The following GPS1 variants were observed in gnomAD, a reference collection of about 807,000 sequenced individuals.
GPS1 encodes G protein pathway suppressor 1.
GPS1 carries 11 observed loss-of-function variants against 60.0 expected under a neutral mutation model. The ratio of observed to expected loss-of-function variants is 0.18; its 90% confidence interval spans 0.12 to 0.30. The LOEUF is 0.30. Ranked by LOEUF, GPS1 falls within the 10% of genes least tolerant of loss-of-function variation. GPS1 has a pLI of 1.00. For synonymous variants in GPS1, 343 were observed against 269.8 expected (o/e 1.27, Z -2.66); for missense variants, 543 against 669.2 (o/e 0.81, Z 2.08).
intron 3 of GPS1, chr17:82,054,267 G>T: frequency 1.4e-6 from 1 of 736,056 alleles, no homozygotes; most frequent in Non-Finnish European, 2.2e-6. Context: ...GGGAGCTGTT[G>T]GAGACTGTGG....
chr17:82,053,028 C>T (rs1414557616), intron 1 of GPS1: 9 of 351,478 alleles, frequency 2.6e-5, no homozygotes, highest in Non-Finnish European at 4.1e-5. Flanking sequence ...TAGAATCAGG[C>T]GAGGGGTTTC....
chr17:82,052,794 A>T, intron 1 of GPS1: 1 of 358,966 alleles, frequency 2.8e-6, no homozygotes, highest in Non-Finnish European at 5.3e-6. Context: ...CCCTTCTCCC[A>T]ACTCCGTGGC....
Position 82,053,873 on chromosome 17 carries a change from G to A in GPS1, c.132G>A (p.Leu44=), listed in dbSNP as rs763538737. ...TTGTCTGTGCCTGCTCCCAGGATCT[G>A]GAACAGTACGCGGCCAGCTACAGCG... ...NYVVENPSLD[L]EQYAASYSGL... The change falls in exon 3 of 13, where the codon CTG becomes CTA. Residue 44 remains leucine, a synonymous_variant. Transcript: ENST00000578552. The A allele has an allele frequency of 7.5e-6, 12 of 1,608,492 alleles. No homozygotes were observed. The highest frequency in any genetic ancestry group is 1.0e-5 in the Non-Finnish European group (12 of 1,178,300).
At chr17:82,051,603 A>AG, upstream of GPS1, 1 of 1,232,310 alleles carries the variant, frequency 8.1e-7, no homozygotes, top group South Asian at 2.3e-5. This position sits in a 1 kb window ranked among gnomAD's most constrained non-coding sequence, Gnocchi z 4.1. Flanking sequence ...GTCAGGCCGC[A>AG]GGCTGGGGGC....
intron 3 of GPS1, 126 bp from the exon 4 acceptor site, chr17:82,054,384 G>A: frequency 7.9e-7 from 1 of 1,267,786 alleles, no homozygotes; most frequent in Non-Finnish European, 1.1e-6. Context: ...TGGGGTTTGA[G>A]GCCAGCGGGA....
At chr17:82,051,569 G>A, upstream of GPS1, 1 of 1,378,334 alleles carries the variant, frequency 7.3e-7, no homozygotes, top group African/African-American at 1.5e-5. This position sits in a 1 kb window ranked among gnomAD's most constrained non-coding sequence, Gnocchi z 4.1. Flanking sequence ...TCTTCCGGGT[G>A]GTCTTGACGG....
upstream of GPS1, chr17:82,051,346 GGGGAGAAACAATCTATGA>G (rs1355758324): frequency 1.4e-6 from 2 of 1,468,314 alleles, no homozygotes; most frequent in Non-Finnish European, 1.8e-6. This position sits in a 1 kb window ranked among gnomAD's most constrained non-coding sequence, Gnocchi z 4.1. Flanking sequence ...TAAACGTCTG[GGGGAGAAACAATCTATGA>G]GGCTTCTGGG....
rs557221744 is a variant in GPS1 at position 82,054,068 on chromosome 17, C to T, written c.308+19C>T. 50 of 1,592,184 alleles carry T rather than the reference C, an allele frequency of 3.1e-5. No individual in the cohort carries two copies. The highest frequency in any genetic ancestry group is 5.6e-5 in the South Asian group (5 of 88,766). On this transcript the variant is annotated intron_variant, in intron 3 of 12. Coordinates refer to ENST00000578552, the MANE Select transcript of GPS1 (RefSeq NM_001321092.3). ...CCACCAGGTGAGGCCAGGGGCTTGGCGAGAGGAAGCAGAGGCCACCAAGGG... is the reference window on the plus strand; with the variant it reads ...CCACCAGGTGAGGCCAGGGGCTTGGTGAGAGGAAGCAGAGGCCACCAAGGG...
In GPS1 at chr17:82,053,941, G is replaced by A. The variant is rs1460338415; in HGVS notation, c.200G>A (p.Cys67Tyr). ...IERLQFIADH[C>Y]PTLRVEALKM... is the part of the protein sequence containing the mutation. Reference sequence around the variant, plus strand: ...CGGCTGCAGTTCATTGCTGATCACTGCCCCACGCTGCGGGTGGAGGCCCTG... The same window carrying A: ...CGGCTGCAGTTCATTGCTGATCACTACCCCACGCTGCGGGTGGAGGCCCTG... The change falls in exon 3 of 13, where the codon TGC (cysteine) becomes TAC (tyrosine). Residue 67 changes from cysteine (C) to tyrosine (Y), a missense_variant. By Grantham distance (194) the Cys-to-Tyr change is radical (BLOSUM62 -2). Around this residue, in one of 3 missense-constraint regions of GPS1, gnomAD observed 181 missense variants for 188.8 expected, o/e 0.96. Coordinates refer to ENST00000578552, the MANE Select transcript of GPS1 (RefSeq NM_001321092.3). 6.2e-7 allele frequency: 1 copy of A among 1,612,938 alleles called. No individual in the cohort carries two copies.
intron 5 of GPS1, 57 bp downstream of exon 5, chr17:82,055,032 C>G: frequency 6.2e-7 from 1 of 1,603,824 alleles, no homozygotes; most frequent in Non-Finnish European, 8.5e-7. Context: ...CTGCTGGCCC[C>G]TCCTGTCCTC....
intron 7 of GPS1, 55 bp downstream of exon 7, chr17:82,055,880 G>A: frequency 6.7e-7 from 1 of 1,485,618 alleles, no homozygotes; most frequent in Non-Finnish European, 9.2e-7. Context: ...GGGTCAGGCT[G>A]CTTCTGTAGG....
chr17:82,056,179 CTGGCCCCA>C, intron 8 of GPS1, 84 bp downstream of exon 8: 1 of 1,382,030 alleles, frequency 7.2e-7, no homozygotes, highest in East Asian at 2.3e-5. Context: ...TCCTGGCCCC[CTGGCCCCA>C]GCGTTTTCTC....
At chr17:82,055,872 G>T in intron 7 of GPS1, 47 bp downstream of exon 7, 2 of 1,504,660 alleles carry the variant, frequency 1.3e-6, no homozygotes, top group Non-Finnish European at 1.8e-6. Context: ...GGGCTCATGG[G>T]TCAGGCTGCT....
rs768654098 is a variant in GPS1 at position 82,056,736 on chromosome 17, G to C, written c.1224G>C (p.Leu408=). The change falls in exon 11 of 13, where the codon CTG becomes CTC. Residue 408 remains leucine (L), a synonymous_variant. Coordinates refer to ENST00000578552, the MANE Select transcript of GPS1 (RefSeq NM_001321092.3). ...TGACGCAGCTAATCCTGGAGGGGCT[G>C]ATCAGTGCCCGTGTGGACTCACACA... ...DELTQLILEG[L]ISARVDSHSK... 1 of 1,587,170 alleles carries C rather than the reference G, an allele frequency of 6.3e-7. No individual in the cohort carries two copies. Among genetic ancestry groups the C allele is most frequent in the Non-Finnish European group, 8.6e-7 (1 of 1,165,498 alleles).
At chr17:82,053,430 C>A in intron 2 of GPS1, 64 bp downstream of exon 2, 1 of 1,151,522 alleles carries the variant, frequency 8.7e-7, no homozygotes, top group Non-Finnish European at 1.2e-6. Context: ...GGGCACACTC[C>A]CCGCTGCAGC....
chr17:82,051,662 CG>C, upstream of GPS1: 1 of 1,001,294 alleles, frequency 1.0e-6, no homozygotes, highest in Non-Finnish European at 1.2e-6. The surrounding 1 kb of genome is among the most constrained non-coding windows in gnomAD (Gnocchi z 4.1). Context: ...GGGTCCGGGC[CG>C]GGGCGGGCGC....
rs926203424 is a variant in GPS1 at position 82,057,222 on chromosome 17, A to G, written c.*95A>G. 7.3e-6 allele frequency: 11 copies of G among 1,505,050 alleles called. No individual in the cohort carries two copies. The African/African-American group carries it at 8.3e-5, about 11-fold the overall frequency. The allele number at this position is 1,505,050 out of a possible 1,614,324, so 93.2% of individuals were successfully genotyped here. ...GCTCAGTGCTGCCTGCGGCCCAGCT[A>G]AGGGGCCTGGCCACTGGGTGCCACC... On this transcript the variant is annotated 3_prime_UTR_variant, in exon 13 of 13. Coordinates refer to ENST00000578552, the MANE Select transcript of GPS1 (RefSeq NM_001321092.3).
At chr17:82,051,629 G>C, upstream of GPS1, 71 of 1,147,634 alleles carry the variant, frequency 6.2e-5, no homozygotes, top group Non-Finnish European at 7.5e-5. The surrounding 1 kb of genome is among the most constrained non-coding windows in gnomAD (Gnocchi z 4.1). Context: ...GCCGGGACGG[G>C]GGCGCGCGCG....
At chr17:82,052,038 A>C in intron 1 of GPS1, 74 bp downstream of exon 1, 2 of 1,068,130 alleles carry the variant, frequency 1.9e-6, no homozygotes, top group African/African-American at 1.7e-5. Flanking sequence ...GAGGTCGAGC[A>C]GGGGCGCGGG....
Sources: allele counts gnomAD v4.1 joint callset, GRCh38; gene constraint gnomAD v4.1.1; regional missense constraint gnomAD v4.1.1; non-coding constraint Gnocchi (gnomAD v3.1); transcripts MANE v1.5; gene names NCBI Gene and HGNC (gene_info 2026-07-23, HGNC 2026-07-21).